KCNN2: variants seen among roughly 807,000 people sequenced by gnomAD.
The protein encoded by KCNN2 is small conductance calcium-activated potassium channel protein 2.
Under a neutral mutation model 55.5 loss-of-function variants are expected in KCNN2, and 24 were observed. The ratio of observed to expected loss-of-function variants is 0.43; its 90% CI spans 0.31 to 0.61. The LOEUF (loss-of-function observed/expected upper bound fraction) is 0.61, where lower values mean the gene tolerates loss of function less well. Ranked by LOEUF, KCNN2 falls within the 20% of genes least tolerant of loss-of-function variation. The pLI, the probability that KCNN2 is intolerant of heterozygous loss-of-function variation, is 0.08. For synonymous variants in KCNN2, 431 were observed against 336.1 expected (o/e 1.28, Z -3.09); for missense variants, 754 against 853.6 (o/e 0.88, Z 1.45).
intron 1 of KCNN2, among the ~76,000 whole-genome samples, chr5:114,090,428 T>C (rs1751114088): frequency 6.6e-6 from 1 of 152,052 alleles, no homozygotes; most frequent in Non-Finnish European, 1.5e-5. Context: ...TAAATAATCA[T>C]CTTAAATTGG....
At chr5:114,245,537 A>G (rs76403034) in intron 2 of KCNN2, among the ~76,000 whole-genome samples, 1 of 152,292 alleles carries the variant, frequency 6.6e-6, no homozygotes, top group East Asian at 1.9e-4. Flanking sequence ...TATTTCTCAC[A>G]CAGCTCACTG....
intron 2 of KCNN2, among the ~76,000 whole-genome samples, chr5:114,330,896 C>CA (rs1320812618): frequency 1.3e-5 from 2 of 151,414 alleles, no homozygotes; most frequent in Non-Finnish European, 2.9e-5. Flanking sequence ...CAACTGAATG[C>CA]AAAAAAAATT....
chr5:114,234,833 A>C (rs1480049221), intron 2 of KCNN2, among the ~76,000 whole-genome samples: 1 of 152,180 alleles, frequency 6.6e-6, no homozygotes, highest in East Asian at 1.9e-4. Context: ...ACCTGATCAA[A>C]GGGAATGGCC....
At chr5:114,391,920 C>G (rs1758461012) in intron 2 of KCNN2, among the ~76,000 whole-genome samples, 2 of 151,998 alleles carry the variant, frequency 1.3e-5, no homozygotes. Flanking sequence ...TGCTGCAGAT[C>G]CAAGTATCAC....
rs75238612 is a variant in KCNN2, at chr5:114,412,685, G to A, written c.1637+7829G>A. On this transcript the variant is annotated intron_variant, in intron 3 of 7. Coordinates refer to ENST00000673685, the MANE Select transcript of KCNN2 (RefSeq NM_021614.4). Reference sequence around the variant, plus strand: ...CCATGATTTTATTTTGTATTTTCAGGAGAGTCACCCAGAGGCCTAGCCTAC... The same window carrying A: ...CCATGATTTTATTTTGTATTTTCAGAAGAGTCACCCAGAGGCCTAGCCTAC... Among the ~76,000 whole-genome samples, 694 of 152,260 alleles carry A rather than the reference G, an allele frequency of 4.6e-3. 5 individuals are homozygous for A. The highest frequency in any genetic ancestry group is 0.016 in the African/African-American group (662 of 41,556).
chr5:114,414,246 C>T (rs1020088546), intron 3 of KCNN2, among the ~76,000 whole-genome samples: 4 of 152,096 alleles, frequency 2.6e-5, no homozygotes, highest in Admixed American at 2.0e-4. Flanking sequence ...TGCTGAGCTT[C>T]GATGGATCTG....
intron 1 of KCNN2, among the ~76,000 whole-genome samples, chr5:114,151,683 T>C (rs1459253266): frequency 1.3e-5 from 2 of 152,144 alleles, no homozygotes; most frequent in Non-Finnish European, 2.9e-5. Flanking sequence ...GAAAGAGCTT[T>C]TCTAGAGTCA....
intron 2 of KCNN2, among the ~76,000 whole-genome samples, chr5:114,356,021 G>A (rs955534686): frequency 3.9e-5 from 6 of 152,142 alleles, no homozygotes; most frequent in African/African-American, 1.4e-4. Flanking sequence ...GAAAAAGCCA[G>A]TGAGGAAATG....
chr5:114,461,144 T>G (rs1205028755), intron 3 of KCNN2, among the ~76,000 whole-genome samples: 1 of 152,186 alleles, frequency 6.6e-6, no homozygotes, highest in Non-Finnish European at 1.5e-5. Flanking sequence ...GTCCACAGAA[T>G]CCTGCTTAGC....
intron 2 of KCNN2, among the ~76,000 whole-genome samples, chr5:114,351,679 A>G (rs1275735822): frequency 6.6e-6 from 1 of 151,552 alleles, no homozygotes; most frequent in East Asian, 1.9e-4. Context: ...AGAGTTTTGG[A>G]TTTTGTCAAA....
At chr5:114,348,113 C>T (rs1245894341) in intron 2 of KCNN2, among the ~76,000 whole-genome samples, 1 of 152,074 alleles carries the variant, frequency 6.6e-6, no homozygotes, top group East Asian at 1.9e-4. Context: ...CTTTTGCTGC[C>T]AACTCTCAAA....
intron 2 of KCNN2, among the ~76,000 whole-genome samples, chr5:114,249,562 C>T (rs1179926998): frequency 6.6e-6 from 1 of 152,018 alleles, no homozygotes; most frequent in Non-Finnish European, 1.5e-5. Context: ...GCTGGGGTTA[C>T]AGGCATGAGC....
intron 2 of KCNN2, among the ~76,000 whole-genome samples, chr5:114,377,576 C>A (rs1757982728): frequency 6.6e-6 from 1 of 152,074 alleles, no homozygotes; most frequent in Non-Finnish European, 1.5e-5. Flanking sequence ...AGAGTGTAGA[C>A]CCCAAGAGGA....
intron 2 of KCNN2, among the ~76,000 whole-genome samples, chr5:114,285,039 T>C (rs1755708713): frequency 1.3e-5 from 2 of 150,982 alleles, no homozygotes; most frequent in Admixed American, 1.3e-4. Context: ...TCCCAGGACT[T>C]TGGGAGGCTG....
intron 3 of KCNN2, among the ~76,000 whole-genome samples, chr5:114,456,476 G>A (rs1408877621): frequency 6.6e-6 from 1 of 152,208 alleles, no homozygotes; most frequent in Non-Finnish European, 1.5e-5. Flanking sequence ...GATGGAGATG[G>A]ACAAGATTAG....
intron 2 of KCNN2, among the ~76,000 whole-genome samples, chr5:114,350,244 ATTTG>A (rs1170081322): frequency 3.3e-5 from 5 of 151,924 alleles, no homozygotes; most frequent in Non-Finnish European, 7.4e-5. Context: ...AACATTTATT[ATTTG>A]TTTGTGGTGA....
intron 2 of KCNN2, among the ~76,000 whole-genome samples, chr5:114,226,556 A>G (rs1257210593): frequency 2.6e-5 from 4 of 152,162 alleles, no homozygotes; most frequent in Non-Finnish European, 5.9e-5. Flanking sequence ...GATTATGCCA[A>G]TTTTATTGTT....
At chr5:114,209,062 CTTT>C (rs34525244) in intron 1 of KCNN2, among the ~76,000 whole-genome samples, 2 of 146,850 alleles carry the variant, frequency 1.4e-5, no homozygotes. Flanking sequence ...TGACTTCTGC[CTTT>C]TTTTTTTTTG....
chr5:114,384,066 A>T (rs935272149), intron 2 of KCNN2, among the ~76,000 whole-genome samples: 1 of 152,178 alleles, frequency 6.6e-6, no homozygotes, highest in Admixed American at 6.5e-5. Flanking sequence ...TGTGACTTCA[A>T]AGGTTCTTTT....
Sources: gnomAD v4.1 joint callset for allele counts (sites outside exome capture counted in the v4.1 genomes callset) on GRCh38, gnomAD v4.1.1 for gene constraint, MANE v1.5 for transcripts, NCBI Gene and HGNC (gene_info 2026-07-23, HGNC 2026-07-21) for gene names.